Variants in ADGRV1 observed in about 807,000 individuals in gnomAD.
ADGRV1 encodes adhesion G protein-coupled receptor V1.
In ADGRV1, 359 loss-of-function variants were observed where a neutral mutation model predicts 596.2. The observed-to-expected ratio is 0.60, with a 90% CI of 0.55 to 0.66. ADGRV1 has a LOEUF of 0.66. Ranked by LOEUF, ADGRV1 falls within the 30% of genes least tolerant of loss-of-function variation. ADGRV1 has a pLI of 0.00. For missense variants in ADGRV1, 7,274 were observed against 7,575.6 expected (o/e 0.96, Z 1.48); for synonymous variants, 2,681 against 2,679.2 (o/e 1.00, Z -0.02).
intron 75 of ADGRV1, among the ~76,000 whole-genome samples, chr5:90,817,851 G>A (rs965457931): frequency 2.0e-5 from 3 of 152,130 alleles, no homozygotes; most frequent in African/African-American, 7.2e-5. Context: ...GTAGTGTGAT[G>A]CCTCCAGCTT....
At position 90,653,859 on chromosome 5, in the gene ADGRV1, A is replaced by G; in HGVS notation, c.4285A>G (p.Ile1429Val). The G allele has an allele frequency of 1.2e-6, 2 of 1,609,412 alleles. No homozygotes were observed. Among genetic ancestry groups the G allele is most frequent in the Non-Finnish European group, 1.7e-6 (2 of 1,177,686 alleles). ...AGAAAGTGTTTGGCTTCATCTACTA[A>G]TTATCCTGGAGGATGGTATAATCGA... ...LEESVWLHLL[I>V]ILEDGIIEFY... Residue 1429 changes from isoleucine (I) to valine (V), a missense_variant, in exon 20 of 90, where the codon ATT (isoleucine) becomes GTT (valine). This residue lies in a region of ADGRV1 where 38 missense variants were observed against 66.7 expected (regional missense o/e 0.57). Coordinates refer to ENST00000405460, the MANE Select transcript of ADGRV1 (RefSeq NM_032119.4).
chr5:90,715,690 T>C (rs898312359), intron 42 of ADGRV1, among the ~76,000 whole-genome samples: 6 of 152,070 alleles, frequency 3.9e-5, no homozygotes, highest in South Asian at 4.1e-4. Context: ...TTTAGAGATA[T>C]TATAATAGTC....
intron 21 of ADGRV1, among the ~76,000 whole-genome samples, chr5:90,668,053 C>A (rs1477554456): frequency 6.6e-6 from 1 of 151,888 alleles, no homozygotes; most frequent in Non-Finnish European, 1.5e-5. Context: ...GAGGTTACTG[C>A]TGTCTTTTTG....
intron 17 of ADGRV1, among the ~76,000 whole-genome samples, chr5:90,650,767 T>C (rs914819448): frequency 6.6e-6 from 1 of 152,134 alleles, no homozygotes; most frequent in Non-Finnish European, 1.5e-5. Context: ...ATCATTGTTA[T>C]GATAGATTGA....
chr5:90,810,123 A>C lies in ADGRV1; in HGVS notation c.14973-110A>C, dbSNP rs116272543. The C allele has an allele frequency of 9.9e-4, 826 of 837,538 alleles. 7 individuals carry two copies. In the African/African-American group the frequency reaches 0.013, roughly 13 times the overall value. 51.9% of individuals were successfully genotyped at this position (837,538 alleles called of 1,614,324 possible). A position where few individuals can be genotyped will look rare whatever the true frequency, so the allele number is the denominator to read the frequency against. ...GAATTTGAAATGGCACGTCATTGTT[A>C]AGTTGCTGCCCTCATGAGCAGCATT... On this transcript the variant is annotated intron_variant, in intron 73 of 89. Transcript: ENST00000405460.
Position 90,721,073 on chromosome 5 carries a change from C to A in ADGRV1, c.9748+14C>A. ...CCTTTGGCATGAGTATGTTTCATTT[C>A]TTATGAGAACAAAATTCTGTAACGA... On this transcript the variant is annotated intron_variant, in intron 45 of 89. Transcript: ENST00000405460. 1 of 1,603,376 alleles carries A rather than the reference C, an allele frequency of 6.2e-7. No homozygotes were observed. The highest frequency in any genetic ancestry group is 8.5e-7 in the Non-Finnish European group (1 of 1,175,080).
chr5:90,689,945 A>T lies in ADGRV1; in HGVS notation c.6575A>T (p.Asp2192Val). 1 of 1,612,846 alleles carries T rather than the reference A, an allele frequency of 6.2e-7. No individual in the cohort carries two copies. The highest frequency in any genetic ancestry group is 8.5e-7 in the Non-Finnish European group (1 of 1,179,316). The change falls in exon 30 of 90, where the codon GAT (aspartate) becomes GTT (valine). Residue 2192 changes from aspartate to valine, a missense_variant. Asp to Val is a radical substitution (Grantham distance 152, BLOSUM62 -3). Coordinates refer to ENST00000405460, the MANE Select transcript of ADGRV1 (RefSeq NM_032119.4). ...GCCGTGCCAATATATGTCATTAATG[A>T]TATCTATCCTGAACTGGAAGAATCT... Reference protein sequence around the residue: ...SKAVPIYVINDIYPELEESFL... With the variant: ...SKAVPIYVINVIYPELEESFL...
At chr5:90,894,998 G>A (rs1457227873) in intron 83 of ADGRV1, among the ~76,000 whole-genome samples, 2 of 151,838 alleles carry the variant, frequency 1.3e-5, no homozygotes, top group Non-Finnish European at 2.9e-5. Context: ...GCATGATCAC[G>A]GCTCATTGTA....
chr5:90,595,508 C>T lies in ADGRV1; in HGVS notation c.23-19327C>T, dbSNP rs1284816547. Among the ~76,000 whole-genome samples, 7 of 112,758 alleles carry T rather than the reference C, an allele frequency of 6.2e-5. No homozygotes were observed. In the East Asian group the frequency reaches 1.4e-3, roughly 23 times the overall value. 74.0% of individuals were successfully genotyped at this position (112,758 alleles called of 152,430 possible). A position where few individuals can be genotyped will look rare whatever the true frequency, so the allele number is the denominator to read the frequency against. Reference sequence around the variant, plus strand: ...GGGGCTCCTCACTTCCCAGTAGGGGCGGCCGGGCAGAGGCGCCCCTCACCT... The same window carrying T: ...GGGGCTCCTCACTTCCCAGTAGGGGTGGCCGGGCAGAGGCGCCCCTCACCT... On this transcript the variant is annotated intron_variant, in intron 1 of 89. Transcript: ENST00000405460.
At chr5:90,944,441 A>G (rs752964328) in intron 83 of ADGRV1, among the ~76,000 whole-genome samples, 4 of 152,206 alleles carry the variant, frequency 2.6e-5, no homozygotes, top group Non-Finnish European at 5.9e-5. Flanking sequence ...TGAAATACCA[A>G]TTGGTTTGCC....
At position 90,652,572 on chromosome 5, in the gene ADGRV1, T is replaced by G. The variant is rs746675531; in HGVS notation, c.3634+9T>G. On this transcript the variant is annotated intron_variant, in intron 19 of 89. Transcript: ENST00000405460. ...ACTTGTAAACATTTCAGGTACTGTG[T>G]TTTTCCATGTCTTATTTTATTTCCA... is the stretch of plus-strand genomic sequence containing the variant. 6.6e-7 allele frequency: 1 copy of G among 1,523,258 alleles called. No individual in the cohort carries two copies. The highest frequency in any genetic ancestry group is 9.0e-7 in the Non-Finnish European group (1 of 1,111,056). The allele number at this position is 1,523,258 out of a possible 1,614,324, so 94.4% of individuals were successfully genotyped here.
chr5:91,139,611 A>G (rs532484502), intron 87 of ADGRV1, among the ~76,000 whole-genome samples: 1 of 152,342 alleles, frequency 6.6e-6, no homozygotes, highest in South Asian at 2.1e-4. Flanking sequence ...TGAATAAGGA[A>G]AATAATGATT....
At chr5:90,991,429 AC>A (rs1211940735) in intron 85 of ADGRV1, among the ~76,000 whole-genome samples, 1 of 152,122 alleles carries the variant, frequency 6.6e-6, no homozygotes, top group African/African-American at 2.4e-5. Context: ...AAAATTGATT[AC>A]TGTTTTTTAG....
chr5:91,132,968 G>A (rs1794333555), intron 87 of ADGRV1, among the ~76,000 whole-genome samples: 1 of 152,192 alleles, frequency 6.6e-6, no homozygotes, highest in Non-Finnish European at 1.5e-5. Context: ...CTTGAAAGTA[G>A]TGGTAATCAT....
At chr5:90,667,550 G>C (rs1263914426) in intron 21 of ADGRV1, among the ~76,000 whole-genome samples, 1 of 148,526 alleles carries the variant, frequency 6.7e-6, no homozygotes. Context: ...TTTGCCTTTG[G>C]TTTGAATGTC....
intron 80 of ADGRV1, 62 bp from the exon 81 acceptor site, chr5:90,854,000 A>G (rs2150409127): frequency 8.1e-7 from 1 of 1,230,568 alleles, no homozygotes; most frequent in East Asian, 2.5e-5. Context: ...GTTCAGGGTA[A>G]GAGACTCAGT....
intron 77 of ADGRV1, among the ~76,000 whole-genome samples, chr5:90,835,365 T>A (rs938650892): frequency 6.6e-6 from 1 of 152,202 alleles, no homozygotes; most frequent in Non-Finnish European, 1.5e-5. Flanking sequence ...GCAGAGACTC[T>A]TGTTTTCTTC....
At position 90,815,747 on chromosome 5, in the gene ADGRV1, A is replaced by T. The variant is rs769237373; in HGVS notation, c.16196+11A>T. The T allele has an allele frequency of 1.5e-6, 2 of 1,300,234 alleles. No individual in the cohort carries two copies. The allele number at this position is 1,300,234 out of a possible 1,614,324, so 80.5% of individuals were successfully genotyped here. A position where few individuals can be genotyped will look rare whatever the true frequency, so the allele number is the denominator to read the frequency against. Reference sequence around the variant, plus strand: ...AAGACAGCCAAACAGGTATGTGTATATATAGTATATGGAAGACGTAACATT... The same window carrying T: ...AAGACAGCCAAACAGGTATGTGTATTTATAGTATATGGAAGACGTAACATT... On this transcript the variant is annotated intron_variant, in intron 75 of 89. Transcript: ENST00000405460.
At chr5:90,949,164 C>T (rs1776852814) in intron 83 of ADGRV1, among the ~76,000 whole-genome samples, 1 of 152,044 alleles carries the variant, frequency 6.6e-6, no homozygotes, top group Non-Finnish European at 1.5e-5. Context: ...ATATGAAGTT[C>T]ATGAATAGGC....
Sources: gnomAD v4.1 joint callset for allele counts (sites outside exome capture counted in the v4.1 genomes callset) on GRCh38, gnomAD v4.1.1 for gene constraint, gnomAD v4.1.1 regional missense constraint, MANE v1.5 for transcripts, NCBI Gene and HGNC (gene_info 2026-07-23, HGNC 2026-07-21) for gene names.